Variants in CREBRF observed in about 807,000 individuals in gnomAD.
CREBRF encodes the protein UPF0474 protein C5orf41.
Under a neutral mutation model 66.1 loss-of-function variants are expected in CREBRF, and 5 were observed. The ratio of observed to expected loss-of-function variants is 0.08; its 90% CI spans 0.04 to 0.16. The LOEUF (loss-of-function observed/expected upper bound fraction) is 0.16. CREBRF is among the 10% of genes least tolerant of loss of function. The pLI, the probability that CREBRF is intolerant of heterozygous loss-of-function variation, is 1.00. For synonymous variants in CREBRF, 229 were observed against 264.4 expected (o/e 0.87, Z 1.30); for missense variants, 531 against 744.9 (o/e 0.71, Z 3.34).
At chr5:173,058,943 G>T (rs568434058) in intron 1 of CREBRF, among the ~76,000 whole-genome samples, 2 of 150,088 alleles carry the variant, frequency 1.3e-5, no homozygotes, top group South Asian at 2.1e-4. Context: ...CTACAGGCGC[G>T]TGCCACCATG....
intron 7 of CREBRF, among the ~76,000 whole-genome samples, chr5:173,116,137 A>C (rs934371989): frequency 6.6e-6 from 1 of 152,120 alleles, no homozygotes. Flanking sequence ...CAGAACAAAA[A>C]CCTCAAATCA....
intron 1 of CREBRF, among the ~76,000 whole-genome samples, chr5:173,072,478 G>A (rs879349865): frequency 6.6e-5 from 10 of 151,982 alleles, no homozygotes; most frequent in African/African-American, 1.2e-4. Flanking sequence ...AGGTTTCACC[G>A]TGTTAGCCAG....
At chr5:173,080,972 C>T (rs1757923076) in intron 2 of CREBRF, among the ~76,000 whole-genome samples, 188 bp downstream of exon 2, 1 of 152,130 alleles carries the variant, frequency 6.6e-6, no homozygotes, top group African/African-American at 2.4e-5. Context: ...TTTGCTATCA[C>T]TTGAAGTTTA....
At chr5:173,104,685 A>G (rs1581689588) in intron 4 of CREBRF, among the ~76,000 whole-genome samples, 2 of 151,896 alleles carry the variant, frequency 1.3e-5, no homozygotes, top group African/African-American at 4.8e-5. Flanking sequence ...GTCCCAAGAA[A>G]GGTGGATGGC....
At chr5:173,104,123 G>T (rs924983277) in intron 4 of CREBRF, among the ~76,000 whole-genome samples, 2 of 152,150 alleles carry the variant, frequency 1.3e-5, no homozygotes, top group African/African-American at 2.4e-5. Context: ...ATGGAATTTA[G>T]TGTTAAGTGG....
chr5:173,062,384 A>C (rs1359660904), intron 1 of CREBRF, among the ~76,000 whole-genome samples: 1 of 152,214 alleles, frequency 6.6e-6, no homozygotes. Flanking sequence ...GAAAGTAATA[A>C]AGTCTACTAT....
chr5:173,097,331 C>T (rs1019150313), intron 4 of CREBRF, among the ~76,000 whole-genome samples: 2 of 152,052 alleles, frequency 1.3e-5, no homozygotes, highest in Admixed American at 6.6e-5. Flanking sequence ...CTGCAATTTT[C>T]GCCTCCAGGG....
intron 1 of CREBRF, among the ~76,000 whole-genome samples, chr5:173,071,732 G>A (rs1284324530): frequency 6.6e-6 from 1 of 151,788 alleles, no homozygotes; most frequent in Admixed American, 6.6e-5. Flanking sequence ...ACGTGTGGTA[G>A]GTTAGAAAGA....
chr5:173,092,211 A>G lies in CREBRF; in HGVS notation c.1222+810A>G, dbSNP rs951684701. The G allele has an allele frequency of 9.3e-6, 9 of 962,850 alleles. No homozygotes were observed. In the South Asian group the frequency reaches 3.8e-4, roughly 41 times the overall value. 59.6% of individuals were successfully genotyped at this position (962,850 alleles called of 1,614,324 possible). ...GATGGTTTATATTACTCATTCCAAT[A>G]CCCAACAAAGTCTATTTATGAATAA... On this transcript the variant is annotated intron_variant, in intron 4 of 8. Coordinates refer to ENST00000296953, the MANE Select transcript of CREBRF (RefSeq NM_153607.3).
At chr5:173,080,046 T>C (rs924736766) in intron 1 of CREBRF, among the ~76,000 whole-genome samples, 1 of 152,226 alleles carries the variant, frequency 6.6e-6, no homozygotes, top group African/African-American at 2.4e-5. Flanking sequence ...CTTATACTTA[T>C]AACTGAAAGA....
chr5:173,090,591 A>G lies in CREBRF; in HGVS notation c.412A>G (p.Thr138Ala). Residue 138 changes from threonine (T) to alanine (A), a missense_variant, in exon 4 of 9, where the codon ACT becomes GCT. By Grantham distance (58) the Thr-to-Ala change is moderately conservative. Transcript: ENST00000296953. The surrounding 1 kb of genome is among the most constrained non-coding windows in gnomAD (Gnocchi z 4.5). ...TGAAGAGGTTATAAGTAAAACTCCA[A>G]CTTTAGCTCAACTTAATAGTGAGGA... is the stretch of plus-strand genomic sequence containing the variant. ...QDEEVISKTP[T>A]LAQLNSEDSQ... 1 of 1,614,152 alleles carries G rather than the reference A, an allele frequency of 6.2e-7. No individual in the cohort carries two copies. The highest frequency in any genetic ancestry group is 8.5e-7 in the Non-Finnish European group (1 of 1,180,010).
intron 1 of CREBRF, among the ~76,000 whole-genome samples, chr5:173,058,835 G>T (rs1333456589): frequency 2.5e-5 from 3 of 120,094 alleles, no homozygotes; most frequent in African/African-American, 9.6e-5. Context: ...TCCGTCTGTC[G>T]CCCAGGCTGG....
rs869148787 is a variant in CREBRF, at chr5:173,082,003, G to GTTTTTTTTTTTTTTTTTT, written c.9+1230_9+1247dup. Among the ~76,000 whole-genome samples the GTTTTTTTTTTTTTTTTTT allele has an allele frequency of 1.5e-4, 12 of 78,076 alleles. 1 individual carries two copies. The highest frequency in any genetic ancestry group is 8.8e-3 in the Middle Eastern group (1 of 114). 51.2% of individuals were successfully genotyped at this position (78,076 alleles called of 152,430 possible). On this transcript the variant is annotated intron_variant, in intron 2 of 8. Coordinates refer to ENST00000296953, the MANE Select transcript of CREBRF (RefSeq NM_153607.3). ...AGAGTGGTTGCCCATTCAAGGTTTA[G>GTTTTTTTTTTTTTTTTTT]TTTTTTTTTTTTTTTTTTTTTTTTT...
intron 8 of CREBRF, among the ~76,000 whole-genome samples, chr5:173,132,411 C>T (rs1275019042): frequency 3.4e-3 from 3 of 872 alleles, no homozygotes; most frequent in African/African-American, 6.8e-3. Flanking sequence ...CCTTTCCCTC[C>T]CCTCCCCTCC....
chr5:173,127,693 C>T (rs1035337251), intron 8 of CREBRF, among the ~76,000 whole-genome samples: 7 of 151,920 alleles, frequency 4.6e-5, no homozygotes, highest in African/African-American at 1.7e-4. Flanking sequence ...CTCCTAACCT[C>T]GTGATCCACC....
chr5:173,079,223 G>C (rs960571104), intron 1 of CREBRF, among the ~76,000 whole-genome samples: 2 of 152,100 alleles, frequency 1.3e-5, no homozygotes, highest in African/African-American at 2.4e-5. Flanking sequence ...AGCTGGGAAC[G>C]ACAGCCCACT....
chr5:173,116,240 GAGGTAT>G (rs1758985832), intron 7 of CREBRF, among the ~76,000 whole-genome samples: 1 of 152,208 alleles, frequency 6.6e-6, no homozygotes, highest in African/African-American at 2.4e-5. Flanking sequence ...CAGCTTTACC[GAGGTAT>G]AATTGAAGTA....
intron 1 of CREBRF, among the ~76,000 whole-genome samples, chr5:173,077,363 G>T (rs1413696756): frequency 1.3e-5 from 2 of 152,104 alleles, no homozygotes; most frequent in African/African-American, 2.4e-5. Context: ...AGTACATTGA[G>T]AAGTGTTGTG....
chr5:173,061,007 C>T (rs1309284669), intron 1 of CREBRF, among the ~76,000 whole-genome samples: 1 of 152,046 alleles, frequency 6.6e-6, no homozygotes, highest in Non-Finnish European at 1.5e-5. Flanking sequence ...TAGTTCTGTC[C>T]CCCCTGCTGG....
Sources: gnomAD v4.1 joint callset for allele counts (sites outside exome capture counted in the v4.1 genomes callset) on GRCh38, gnomAD v4.1.1 for gene constraint, Gnocchi (gnomAD v3.1) non-coding constraint, MANE v1.5 for transcripts, NCBI Gene and HGNC (gene_info 2026-07-23, HGNC 2026-07-21) for gene names.